Variants in FBXL7 observed in about 807,000 individuals in gnomAD.
The protein encoded by FBXL7 is F-box and leucine rich repeat protein 7.
Under a neutral mutation model 38.3 loss-of-function variants are expected in FBXL7, and 12 were observed. The ratio of observed to expected loss-of-function variants is 0.31; its 90% CI spans 0.20 to 0.51. The LOEUF (loss-of-function observed/expected upper bound fraction) is 0.51, where lower values mean the gene tolerates loss of function less well. FBXL7 is among the 20% of genes least tolerant of loss of function. The pLI, the probability that FBXL7 is intolerant of heterozygous loss-of-function variation, is 0.98. For synonymous variants in FBXL7, 297 were observed against 300.9 expected (o/e 0.99, Z 0.13); for missense variants, 567 against 676.4 (o/e 0.84, Z 1.79).
In FBXL7 at chr5:15,686,085, G is replaced by A. The variant is rs573650959; in HGVS notation, c.127+70013G>A. ...CTTTATGAGAGGTTTGGACTTCAGGGTCTATGCACTTGATGTACTGAAACC... is the reference window on the plus strand; with the variant it reads ...CTTTATGAGAGGTTTGGACTTCAGGATCTATGCACTTGATGTACTGAAACC... On this transcript the variant is annotated intron_variant, in intron 2 of 3. Transcript: ENST00000504595. 3.9e-5 allele frequency among the ~76,000 whole-genome samples: 6 copies of A among 152,214 alleles called. No individual in the cohort carries two copies. In the East Asian group the frequency reaches 9.7e-4, roughly 25 times the overall value.
intron 2 of FBXL7, among the ~76,000 whole-genome samples, chr5:15,700,653 T>G (rs1743494016): frequency 6.6e-6 from 1 of 152,224 alleles, no homozygotes; most frequent in Non-Finnish European, 1.5e-5. Flanking sequence ...GAGTTGCAGA[T>G]AGAGTGGAAT....
intron 2 of FBXL7, among the ~76,000 whole-genome samples, chr5:15,625,548 G>A (rs1284790420): frequency 6.6e-6 from 1 of 152,136 alleles, no homozygotes; most frequent in African/African-American, 2.4e-5. Flanking sequence ...CAGCTATTCA[G>A]ATGGCTGAGG....
chr5:15,823,884 C>T (rs544777545), intron 2 of FBXL7, among the ~76,000 whole-genome samples: 37 of 152,270 alleles, frequency 2.4e-4, no homozygotes, highest in African/African-American at 7.9e-4. Flanking sequence ...CATTGTCTCC[C>T]CTTTCAAATA....
At chr5:15,700,289 T>A (rs2126632083) in intron 2 of FBXL7, among the ~76,000 whole-genome samples, 1 of 152,332 alleles carries the variant, frequency 6.6e-6, no homozygotes, top group Admixed American at 6.5e-5. Flanking sequence ...TTTTAAATCC[T>A]CCTTTCATGA....
intron 1 of FBXL7, among the ~76,000 whole-genome samples, chr5:15,531,709 C>G (rs1737437219): frequency 6.6e-6 from 1 of 152,166 alleles, no homozygotes; most frequent in South Asian, 2.1e-4. Context: ...CCCCATTTAA[C>G]CTAATTTCCT....
At chr5:15,783,956 T>C (rs1379709520) in intron 2 of FBXL7, among the ~76,000 whole-genome samples, 1 of 152,166 alleles carries the variant, frequency 6.6e-6, no homozygotes, top group Non-Finnish European at 1.5e-5. Context: ...TGGGGCATGA[T>C]GAATGACTTC....
At chr5:15,612,213 T>TG (rs1430034132) in intron 1 of FBXL7, among the ~76,000 whole-genome samples, 3 of 133,208 alleles carry the variant, frequency 2.3e-5, no homozygotes, top group African/African-American at 8.8e-5. Context: ...TCACTGGGGG[T>TG]GGGGTACTTA....
At chr5:15,630,585 A>G (rs1004031283) in intron 2 of FBXL7, among the ~76,000 whole-genome samples, 1 of 151,802 alleles carries the variant, frequency 6.6e-6, no homozygotes, top group Non-Finnish European at 1.5e-5. Context: ...TTTACTTTTT[A>G]GTATTATCCT....
Position 15,939,297 on chromosome 5 carries a change from C to G in FBXL7, c.*2111C>G, listed in dbSNP as rs1328012548. The G allele has an allele frequency of 5.5e-6, 2 of 362,748 alleles. No homozygotes were observed. The highest frequency in any genetic ancestry group is 9.8e-6 in the Non-Finnish European group (2 of 204,066). 22.5% of individuals were successfully genotyped at this position (362,748 alleles called of 1,614,324 possible). A position where few individuals can be genotyped will look rare whatever the true frequency, so the allele number is the denominator to read the frequency against. ...ATTCCTCAGCTCTGTGACTTGTGACCCTATTTGAAGTTTCAGGATTTGGGT... is the reference window on the plus strand; with the variant it reads ...ATTCCTCAGCTCTGTGACTTGTGACGCTATTTGAAGTTTCAGGATTTGGGT... On this transcript the variant is annotated 3_prime_UTR_variant, in exon 4 of 4. Coordinates refer to ENST00000504595, the MANE Select transcript of FBXL7 (RefSeq NM_012304.5).
At chr5:15,883,418 GAA>G (rs1267652774) in intron 2 of FBXL7, among the ~76,000 whole-genome samples, 25 of 152,056 alleles carry the variant, frequency 1.6e-4, no homozygotes, top group Admixed American at 1.6e-3. Flanking sequence ...CCCATGTATA[GAA>G]AAACTGTGAT....
intron 3 of FBXL7, among the ~76,000 whole-genome samples, chr5:15,929,993 C>T (rs1354484709): frequency 6.6e-6 from 1 of 152,204 alleles, no homozygotes; most frequent in Non-Finnish European, 1.5e-5. Context: ...AGCCGGCTCT[C>T]AGCTTGCTCT....
intron 2 of FBXL7, among the ~76,000 whole-genome samples, chr5:15,737,255 G>A (rs1169494807): frequency 1.3e-5 from 2 of 152,114 alleles, no homozygotes; most frequent in Non-Finnish European, 2.9e-5. Context: ...TGGTTTCCAT[G>A]TGTGCCTCCC....
At chr5:15,520,321 G>A (rs1223178870) in intron 1 of FBXL7, among the ~76,000 whole-genome samples, 3 of 152,188 alleles carry the variant, frequency 2.0e-5, no homozygotes, top group African/African-American at 7.2e-5. Flanking sequence ...ATTTTACCCA[G>A]CTGCTATTCA....
intron 1 of FBXL7, among the ~76,000 whole-genome samples, chr5:15,578,864 G>T (rs1044873799): frequency 2.0e-5 from 3 of 152,182 alleles, no homozygotes; most frequent in Non-Finnish European, 4.4e-5. Context: ...TTGGATAAGT[G>T]TTTATATATG....
At chr5:15,873,291 A>G (rs1340594918) in intron 2 of FBXL7, among the ~76,000 whole-genome samples, 3 of 152,224 alleles carry the variant, frequency 2.0e-5, no homozygotes, top group African/African-American at 7.2e-5. Context: ...ATAGCACTAA[A>G]TGCCCCCAGG....
intron 1 of FBXL7, among the ~76,000 whole-genome samples, chr5:15,521,972 A>G (rs890717116): frequency 1.3e-5 from 2 of 152,226 alleles, no homozygotes; most frequent in Non-Finnish European, 1.5e-5. Context: ...TTGCTGTTAT[A>G]TTTCATCCAA....
intron 2 of FBXL7, among the ~76,000 whole-genome samples, chr5:15,687,677 C>T (rs1743056406): frequency 6.6e-6 from 1 of 152,160 alleles, no homozygotes; most frequent in Non-Finnish European, 1.5e-5. Flanking sequence ...ATAGAACAGT[C>T]CTGCACAGTG....
At chr5:15,840,868 G>C (rs928256826) in intron 2 of FBXL7, among the ~76,000 whole-genome samples, 4 of 135,936 alleles carry the variant, frequency 2.9e-5, no homozygotes, top group Non-Finnish European at 4.7e-5. Flanking sequence ...AAAAAAAAAA[G>C]TTATAGATTG....
chr5:15,602,139 G>A (rs917208430), intron 1 of FBXL7: 3 of 152,120 alleles, frequency 2.0e-5, no homozygotes, highest in Non-Finnish European at 2.9e-5. Context: ...GCCCTTGCAG[G>A]GAGCATGGCC....
Sources: allele counts gnomAD v4.1 joint callset (sites outside exome capture counted in the v4.1 genomes callset), GRCh38; gene constraint gnomAD v4.1.1; transcripts MANE v1.5; gene names NCBI Gene and HGNC (gene_info 2026-07-23, HGNC 2026-07-21).